The following TMEM145 variants were observed in gnomAD, a reference collection of about 807,000 sequenced individuals.
The protein encoded by TMEM145 is transmembrane protein 145.
Under a neutral mutation model 68.5 loss-of-function variants are expected in TMEM145, and 46 were observed. That is an observed-to-expected ratio of 0.67 (90% CI 0.53 to 0.86). The LOEUF (loss-of-function observed/expected upper bound fraction) is 0.86. TMEM145 is among the 40% of genes least tolerant of loss of function. The pLI, the probability that TMEM145 is intolerant of heterozygous loss-of-function variation, is 0.00. For synonymous variants in TMEM145, 255 were observed against 280.2 expected, an observed-to-expected ratio of 0.91 and a Z score of 0.90; for missense variants, 570 against 645.8, an observed-to-expected ratio of 0.88 and a Z score of 1.27.
At chr19:42,319,657 A>ATATT in intron 12 of TMEM145, among the ~76,000 whole-genome samples, 1 of 151,928 alleles carries the variant, frequency 6.6e-6, no homozygotes, top group East Asian at 1.9e-4. Flanking sequence ...CATATTGGCC[A>ATATT]GGCTGGTCTG....
At position 42,324,369 on chromosome 19, in the gene TMEM145, C is replaced by G. The variant is rs531726320; in HGVS notation, c.1402-368C>G. 703 of 985,230 alleles carry G rather than the reference C, an allele frequency of 7.1e-4. 4 individuals carry two copies. In the African/African-American group the frequency reaches 0.012, roughly 16 times the overall value. 61.0% of individuals were successfully genotyped at this position (985,230 alleles called of 1,614,324 possible). A position where few individuals can be genotyped will look rare whatever the true frequency, so the allele number is the denominator to read the frequency against. On this transcript the variant is annotated intron_variant, in intron 14 of 14. Coordinates refer to ENST00000301204, the MANE Select transcript of TMEM145 (RefSeq NM_173633.3). Reference sequence around the variant, plus strand: ...ATGGCCGAGCCGGGCGCAGCCTCCCCCCCACTTCCCGCTCGGTTCCCCAAG... The same window carrying G: ...ATGGCCGAGCCGGGCGCAGCCTCCCGCCCACTTCCCGCTCGGTTCCCCAAG...
chr19:42,314,069 G>A (rs1295085768), intron 1 of TMEM145, among the ~76,000 whole-genome samples: 3 of 151,932 alleles, frequency 2.0e-5, no homozygotes, highest in Admixed American at 6.6e-5. Flanking sequence ...AAACTTGGGG[G>A]GGCAATGGAG....
At chr19:42,315,120 C>A (rs748108349) in intron 6 of TMEM145, 43 bp downstream of exon 6, 2 of 1,614,172 alleles carry the variant, frequency 1.2e-6, no homozygotes, top group Admixed American at 3.3e-5. Context: ...CTGTGGGACA[C>A]CAGAGCTGGG....
In TMEM145 at chr19:42,320,967, T is replaced by C. The variant is rs149035215; in HGVS notation, c.1194+530T>C. 340 of 398,880 alleles carry C rather than the reference T, an allele frequency of 8.5e-4. 2 individuals carry two copies. Among genetic ancestry groups the C allele is most frequent in the African/African-American group, 6.3e-3 (308 of 48,720 alleles). The allele number at this position is 398,880 out of a possible 1,614,324, so 24.7% of individuals were successfully genotyped here. A position where few individuals can be genotyped will look rare whatever the true frequency, so the allele number is the denominator to read the frequency against. On this transcript the variant is annotated intron_variant, in intron 13 of 14. Transcript: ENST00000301204. ...TTCTGTTCCCCTCTCCAACTTTGTGTCCTGGCTTCTTTCCTCAACCCCCAT... is the reference window on the plus strand; with the variant it reads ...TTCTGTTCCCCTCTCCAACTTTGTGCCCTGGCTTCTTTCCTCAACCCCCAT...
chr19:42,324,249 A>G, intron 14 of TMEM145: 1 of 984,558 alleles, frequency 1.0e-6, no homozygotes, highest in Non-Finnish European at 1.2e-6. Context: ...AGGGTCCCGG[A>G]CGGCCTCTGA....
intron 8 of TMEM145, among the ~76,000 whole-genome samples, chr19:42,315,907 G>A (rs888027769): frequency 5.3e-5 from 8 of 152,144 alleles, no homozygotes; most frequent in African/African-American, 1.4e-4. Flanking sequence ...GCGTGTGCGT[G>A]TAATCCCAGC....
At position 42,313,507 on chromosome 19, in the gene TMEM145, CGA is replaced by C; in HGVS notation, c.120+13_120+14del. 1 of 1,277,474 alleles carries C rather than the reference CGA, an allele frequency of 7.8e-7. No homozygotes were observed. Among genetic ancestry groups the C allele is most frequent in the South Asian group, 2.8e-5 (1 of 35,872 alleles). The allele number at this position is 1,277,474 out of a possible 1,614,324, so 79.1% of individuals were successfully genotyped here. On this transcript the variant is annotated intron_variant, in intron 1 of 14. Transcript: ENST00000301204. The surrounding 1 kb of genome is among the most constrained non-coding windows in gnomAD (Gnocchi z 5.1). ...CTCAGTTCCAAGGAGGTGAGCATGC[CGA>C]GCCCTCCTCTGCGGCCCGCCGGCCC...
Position 42,322,528 on chromosome 19 carries a change from G to A in TMEM145, c.1195-1055G>A, listed in dbSNP as rs190958049. Among the ~76,000 whole-genome samples, 335 of 152,108 alleles carry A rather than the reference G, an allele frequency of 2.2e-3. 1 individual carries two copies. The highest frequency in any genetic ancestry group is 7.6e-3 in the African/African-American group (317 of 41,492). On this transcript the variant is annotated intron_variant, in intron 13 of 14. Transcript: ENST00000301204. ...CACAGCTCCACCTGGGTATCTCAAC[G>A]CTCATTGCTTTCAGCTCCTTGTTCA...
Position 42,317,790 on chromosome 19 carries a change from G to A in TMEM145, c.982G>A (p.Val328Met), listed in dbSNP as rs371586536. ...CATTGGACTGCAGGTGGCGGCCTAC[G>A]TGTGGTTCTGCTATGCTGTGCTTGT... ...GLIGLQVAAY[V>M]WFCYAVLVSL... is the part of the protein sequence containing the mutation. Residue 328 changes from valine to methionine, a missense_variant, in exon 12 of 15, where the codon GTG becomes ATG. Transcript: ENST00000301204. The A allele has an allele frequency of 1.4e-5, 22 of 1,614,086 alleles. No individual in the cohort carries two copies. In the African/African-American group the frequency reaches 1.6e-4, roughly 12 times the overall value.
At position 42,314,318 on chromosome 19, in the gene TMEM145, G is replaced by A. The variant is rs1412863541; in HGVS notation, c.167G>A (p.Arg56Gln). ...TTTTGTTTCCTCTCGGATTACGGCC[G>A]ACTGGACTTCCGTTTCCGCTACCCT... is the stretch of plus-strand genomic sequence containing the variant. ...TRFCFLSDYG[R>Q]LDFRFRYPEA... The change falls in exon 2 of 15, where the codon CGA becomes CAA. Residue 56 changes from arginine to glutamine, a missense_variant. Coordinates refer to ENST00000301204, the MANE Select transcript of TMEM145 (RefSeq NM_173633.3). The A allele has an allele frequency of 3.1e-6, 5 of 1,613,922 alleles. No homozygotes were observed. Among genetic ancestry groups the A allele is most frequent in the South Asian group, 2.2e-5 (2 of 91,072 alleles).
chr19:42,321,763 A>C (rs895490032), intron 13 of TMEM145: 3 of 152,092 alleles, frequency 2.0e-5, no homozygotes, highest in African/African-American at 7.2e-5. Context: ...ATATTCATTA[A>C]TTTATTCATC....
chr19:42,320,376 G>T lies in TMEM145; in HGVS notation c.1133G>T (p.Arg378Leu), dbSNP rs778685428. The T allele has an allele frequency of 1.2e-6, 2 of 1,614,140 alleles. No individual in the cohort carries two copies. The highest frequency in any genetic ancestry group is 1.7e-6 in the Non-Finnish European group (2 of 1,180,036). ...AATTTCGGCATCCCCAAGTGGGCCC[G>T]GGAGAAGATTGTCAATGGCATCCAG... ...IANFGIPKWA[R>L]EKIVNGIQLG... Residue 378 changes from arginine to leucine, a missense_variant, in exon 13 of 15, where the codon CGG becomes CTG. Physicochemically the swap from Arg to Leu is moderately radical, Grantham distance 102. Coordinates refer to ENST00000301204, the MANE Select transcript of TMEM145 (RefSeq NM_173633.3).
chr19:42,324,722 C>A lies in TMEM145; in HGVS notation c.1402-15C>A. The A allele has an allele frequency of 6.7e-7, 1 of 1,491,728 alleles. No individual in the cohort carries two copies. The highest frequency in any genetic ancestry group is 1.4e-5 in the African/African-American group (1 of 69,062). The allele number at this position is 1,491,728 out of a possible 1,614,324, so 92.4% of individuals were successfully genotyped here. ...ACGGTCCCGCGGGAGCCGCTCTCCC[C>A]GTCCCCTCCCTCAGCCCCTGCCCCG... On this transcript the variant is annotated splice_polypyrimidine_tract_variant and intron_variant, in intron 14 of 14. Transcript: ENST00000301204.
chr19:42,320,232 T>C, intron 12 of TMEM145, 85 bp from the exon 13 acceptor site: 1 of 1,572,944 alleles, frequency 6.4e-7, no homozygotes. Flanking sequence ...GGGGTCTGCG[T>C]GTGTACATGG....
At chr19:42,315,161 A>T (rs1314295818) in intron 6 of TMEM145, 27 bp from the exon 7 acceptor site, 11 of 1,613,512 alleles carry the variant, frequency 6.8e-6, no homozygotes, top group Admixed American at 1.7e-5. Flanking sequence ...ACCTGAATGA[A>T]CCTTACTCCT....
chr19:42,322,445 C>T (rs1285013829), intron 13 of TMEM145, among the ~76,000 whole-genome samples: 1 of 152,180 alleles, frequency 6.6e-6, no homozygotes, highest in Non-Finnish European at 1.5e-5. Flanking sequence ...GCAAGCACAG[C>T]GCCCTTCCTG....
rs1192123222 is a variant in TMEM145 at position 42,316,666 on chromosome 19, G to A, written c.732G>A (p.Lys244=). Residue 244 remains lysine, a synonymous_variant, in exon 10 of 15, where the codon AAG becomes AAA. Transcript: ENST00000301204. ...CCCCCTCCTCCCTTCTCCCAGCCAAGCTGCTCTTCTCCTCCAGCTTCCTCA... is the reference window on the plus strand; with the variant it reads ...CCCCCTCCTCCCTTCTCCCAGCCAAACTGCTCTTCTCCTCCAGCTTCCTCA... ...IGNESVKILA[K]LLFSSSFLIF... is the part of the protein sequence containing the mutation. 6.2e-7 allele frequency: 1 copy of A among 1,613,938 alleles called. No individual in the cohort carries two copies. Among genetic ancestry groups the A allele is most frequent in the South Asian group, 1.1e-5 (1 of 91,086 alleles).
At position 42,323,800 on chromosome 19, in the gene TMEM145, C is replaced by G; in HGVS notation, c.1401+11C>G. On this transcript the variant is annotated intron_variant, in intron 14 of 14. Coordinates refer to ENST00000301204, the MANE Select transcript of TMEM145 (RefSeq NM_173633.3). ...CCGCCCGCCACCTCCGTAAGCCCCG[C>G]GGCCCCAGCGCCCGAGGAGCTGCTG... The G allele has an allele frequency of 1.2e-6, 2 of 1,612,600 alleles. No homozygotes were observed. Among genetic ancestry groups the G allele is most frequent in the Non-Finnish European group, 1.7e-6 (2 of 1,178,948 alleles).
At chr19:42,320,198 T>G in intron 12 of TMEM145, 119 bp from the exon 13 acceptor site, 1 of 1,379,002 alleles carries the variant, frequency 7.3e-7, no homozygotes, top group Non-Finnish European at 1.0e-6. Context: ...TCACACTGGC[T>G]TCCCTCCAGT....
Sources: gnomAD v4.1 joint callset for allele counts (sites outside exome capture counted in the v4.1 genomes callset) on GRCh38, gnomAD v4.1.1 for gene constraint, Gnocchi (gnomAD v3.1) non-coding constraint, MANE v1.5 for transcripts, NCBI Gene and HGNC (gene_info 2026-07-23, HGNC 2026-07-21) for gene names.